SLC20A2: variants seen among roughly 807,000 people sequenced by gnomAD.
SLC20A2 encodes the protein sodium-dependent phosphate transporter 2.
A neutral mutation model predicts 61.0 loss-of-function variants in SLC20A2; 30 were observed. The ratio of observed to expected loss-of-function variants is 0.49; its 90% confidence interval spans 0.37 to 0.67. The LOEUF (loss-of-function observed/expected upper bound fraction) is 0.67, where lower values mean the gene tolerates loss of function less well. SLC20A2 is among the 30% of genes least tolerant of loss of function. The probability of loss-of-function intolerance (pLI) is 0.00; values close to 1 mark genes in which losing one functional copy is unlikely to be tolerated. For synonymous variants in SLC20A2, 351 were observed against 353.3 expected, an observed-to-expected ratio of 0.99 and a Z score of 0.07; for missense variants, 626 against 866.4, an observed-to-expected ratio of 0.72 and a Z score of 3.48.
At position 42,417,936 on chromosome 8, in the gene SLC20A2, C is replaced by T. The variant is rs770679982; in HGVS notation, c.1826G>A (p.Arg609His). 1.5e-5 allele frequency: 25 copies of T among 1,613,048 alleles called. No individual in the cohort carries two copies. Among genetic ancestry groups the T allele is most frequent in the South Asian group, 3.3e-5 (3 of 91,016 alleles). The change falls in exon 11 of 11, where the codon CGC becomes CAC. Residue 609 changes from arginine (R) to histidine (H), a missense_variant. Physicochemically the swap from Arg to His is conservative, Grantham distance 29. Coordinates refer to ENST00000520262, the MANE Select transcript of SLC20A2 (RefSeq NM_001257180.2). The part of the protein sequence containing the change: ...VGSVVAVGWI[R>H]SRKAVDWRLF... Reference sequence around the variant, plus strand: ...GCGCCAGTCCACAGCCTTGCGGGAGCGGATCCAGCCCACGGCCACCACCGA... The same window carrying T: ...GCGCCAGTCCACAGCCTTGCGGGAGTGGATCCAGCCCACGGCCACCACCGA...
At position 42,451,216 on chromosome 8, in the gene SLC20A2, G is replaced by T. The variant is rs555236420; in HGVS notation, c.614-6454C>A. 7.2e-4 allele frequency among the ~76,000 whole-genome samples: 108 copies of T among 150,834 alleles called. 2 individuals are homozygous for T. The South Asian group carries it at 0.023, about 32-fold the overall frequency. On this transcript the variant is annotated intron_variant, in intron 5 of 10. Coordinates refer to ENST00000520262, the MANE Select transcript of SLC20A2 (RefSeq NM_001257180.2). The stretch of plus-strand genomic sequence containing the variant: ...GAAGGAAGAGGAGAAACCAGAGGAG[G>T]GGGATGAGGAGGAGAAAGGGGGCAA...
Position 42,430,254 on chromosome 8 carries a change from G to A in SLC20A2, c.1524-5C>T, listed in dbSNP as rs1318357609. On this transcript the variant is annotated splice_region_variant and splice_polypyrimidine_tract_variant and intron_variant, in intron 8 of 10. Transcript: ENST00000520262. ...ACCAGGGGACCGATGGCATTACTGG[G>A]AAAAATAAAAAGAGAAAAGATTAAC... 1 of 1,603,680 alleles carries A rather than the reference G, an allele frequency of 6.2e-7. No individual in the cohort carries two copies. The highest frequency in any genetic ancestry group is 8.5e-7 in the Non-Finnish European group (1 of 1,176,332).
chr8:42,444,699 A>C lies in SLC20A2; in HGVS notation c.677T>G (p.Phe226Cys), dbSNP rs1255471232. Reference protein sequence around the residue: ...ALISFGVALLFAFFVWLFVCP... With the variant: ...ALISFGVALLCAFFVWLFVCP... The stretch of plus-strand genomic sequence containing the variant: ...CACGAAGAGCCACACAAAAAAAGCG[A>C]ACAGGAGGGCGACACCAAAGGAAAT... The change falls in exon 6 of 11, where the codon TTC (phenylalanine) becomes TGC (cysteine). Residue 226 changes from phenylalanine (F) to cysteine (C), a missense_variant. Around this residue, in one of 3 missense-constraint regions of SLC20A2, gnomAD observed 361 missense variants for 422.3 expected, o/e 0.85. Transcript: ENST00000520262. The C allele has an allele frequency of 6.2e-7, 1 of 1,613,928 alleles. No individual in the cohort carries two copies. Among genetic ancestry groups the C allele is most frequent in the African/African-American group, 1.3e-5 (1 of 74,926 alleles).
chr8:42,503,631 T>G (rs1810456021), upstream of SLC20A2, among the ~76,000 whole-genome samples: 1 of 152,224 alleles, frequency 6.6e-6, no homozygotes, highest in Non-Finnish European at 1.5e-5. Flanking sequence ...TGAGATATCT[T>G]CATTCTTTTG....
intron 10 of SLC20A2, among the ~76,000 whole-genome samples, chr8:42,426,698 CAAAACAA>C (rs1212048557): frequency 1.1e-5 from 1 of 88,328 alleles, no homozygotes; most frequent in Non-Finnish European, 3.0e-5. Context: ...ATCTCAAAAA[CAAAACAA>C]AACAAAACAA....
intron 1 of SLC20A2, among the ~76,000 whole-genome samples, chr8:42,523,244 C>T (rs1053913303): frequency 7.2e-5 from 11 of 152,104 alleles, no homozygotes; most frequent in African/African-American, 1.9e-4. Flanking sequence ...GCAGGAGAAT[C>T]GCTTGAACCT....
At position 42,439,670 on chromosome 8, in the gene SLC20A2, C is replaced by T. The variant is rs1236731585; in HGVS notation, c.731-17G>A. ...GTAATTTGCCTAAAGAAAACAAAGT[C>T]ATACTGAACATTCTGGAAGAGAGTT... is the stretch of plus-strand genomic sequence containing the variant. On this transcript the variant is annotated splice_polypyrimidine_tract_variant and intron_variant, in intron 6 of 10. Transcript: ENST00000520262. 2 of 1,535,306 alleles carry T rather than the reference C, an allele frequency of 1.3e-6. No individual in the cohort carries two copies. The highest frequency in any genetic ancestry group is 1.8e-6 in the Non-Finnish European group (2 of 1,108,440).
chr8:42,467,179 T>C (rs895438504), intron 2 of SLC20A2, among the ~76,000 whole-genome samples: 32 of 152,184 alleles, frequency 2.1e-4, no homozygotes, highest in African/African-American at 7.7e-4. Flanking sequence ...TAACCCAAAT[T>C]TGGGCATCTG....
intron 5 of SLC20A2, among the ~76,000 whole-genome samples, chr8:42,455,257 T>TATATATATATAGAGAGAG (rs1357416749): frequency 7.4e-5 from 6 of 81,620 alleles, no homozygotes; most frequent in African/African-American, 2.6e-4. Context: ...TATATATATA[T>TATATATATATAGAGAGAG]AGAGAGAGAG....
At chr8:42,459,235 C>CAAAAAAAAAAAAAAAAAAAAAAA (rs756966778) in intron 5 of SLC20A2, among the ~76,000 whole-genome samples, 6 of 36,084 alleles carry the variant, frequency 1.7e-4, no homozygotes, top group Non-Finnish European at 2.2e-4. Context: ...GACTCTATCT[C>CAAAAAAAAAAAAAAAAAAAAAAA]AAAAAAAAAA....
chr8:42,442,671 T>G (rs1804872883), intron 6 of SLC20A2, among the ~76,000 whole-genome samples: 1 of 152,242 alleles, frequency 6.6e-6, no homozygotes, highest in Admixed American at 6.5e-5. Flanking sequence ...CCAGCTCATC[T>G]AGTTTCTTTG....
chr8:42,482,627 A>T (rs934595999), intron 1 of SLC20A2, among the ~76,000 whole-genome samples: 1 of 152,086 alleles, frequency 6.6e-6, no homozygotes, highest in Non-Finnish European at 1.5e-5. Flanking sequence ...AGGCTGAGGT[A>T]GGAAGATCAC....
chr8:42,496,636 G>A (rs1020504923), intron 1 of SLC20A2, among the ~76,000 whole-genome samples: 1 of 152,206 alleles, frequency 6.6e-6, no homozygotes, highest in African/African-American at 2.4e-5. Context: ...GTGCCCCTGG[G>A]CTATTTGTTG....
intron 5 of SLC20A2, among the ~76,000 whole-genome samples, chr8:42,452,183 T>TAGGAGGAGGAGGAAGAGATGG (rs1390258992): frequency 1.8e-5 from 1 of 56,984 alleles, no homozygotes; most frequent in Non-Finnish European, 3.3e-5. Context: ...GAGGAAGAGA[T>TAGGAGGAGGAGGAAGAGATGG]AGGAGGAGGA....
intron 6 of SLC20A2, among the ~76,000 whole-genome samples, chr8:42,441,313 CCTGA>C (rs1349049584): frequency 2.0e-5 from 3 of 151,734 alleles, no homozygotes; most frequent in African/African-American, 4.8e-5. Flanking sequence ...CACCACCATA[CCTGA>C]CTAATTTTGT....
At position 42,429,961 on chromosome 8, in the gene SLC20A2, G is replaced by A. The variant is rs1000507683; in HGVS notation, c.1709+103C>T. The A allele has an allele frequency of 8.3e-6, 8 of 969,362 alleles. No homozygotes were observed. The Admixed American group carries it at 1.6e-4, about 19-fold the overall frequency. 60.0% of individuals were successfully genotyped at this position (969,362 alleles called of 1,614,324 possible). Reference sequence around the variant, plus strand: ...TGTCTCCTCCTCCCTGTGACCCGCTGCCAACTGCCAGTGCTGAGCAGGCCG... The same window carrying A: ...TGTCTCCTCCTCCCTGTGACCCGCTACCAACTGCCAGTGCTGAGCAGGCCG... On this transcript the variant is annotated intron_variant, in intron 9 of 10. Coordinates refer to ENST00000520262, the MANE Select transcript of SLC20A2 (RefSeq NM_001257180.2).
At chr8:42,451,399 AG>A (rs1805632184) in intron 5 of SLC20A2, among the ~76,000 whole-genome samples, 1 of 141,010 alleles carries the variant, frequency 7.1e-6, no homozygotes, top group African/African-American at 2.7e-5. Context: ...AGGAGGAGGA[AG>A]AGATAGAGGA....
intron 1 of SLC20A2, among the ~76,000 whole-genome samples, chr8:42,532,325 T>C (rs927467507): frequency 6.6e-6 from 1 of 152,310 alleles, no homozygotes. Context: ...TGAGTCCTTT[T>C]ATAGCACTTA....
chr8:42,436,812 C>T lies in SLC20A2; in HGVS notation c.1523+177G>A, dbSNP rs139954543. The stretch of plus-strand genomic sequence containing the variant: ...TATCTACCTTACTTTCCTGTTAACA[C>T]TGCTCGCTGTCCCGCACGCAATGCT... On this transcript the variant is annotated intron_variant, in intron 8 of 10. Coordinates refer to ENST00000520262, the MANE Select transcript of SLC20A2 (RefSeq NM_001257180.2). Among the ~76,000 whole-genome samples the T allele has an allele frequency of 5.3e-3, 806 of 152,358 alleles. 5 individuals are homozygous for T. The highest frequency in any genetic ancestry group is 0.014 in the Middle Eastern group (4 of 294).
Sources: allele counts gnomAD v4.1 joint callset (sites outside exome capture counted in the v4.1 genomes callset), GRCh38; gene constraint gnomAD v4.1.1; regional missense constraint gnomAD v4.1.1; transcripts MANE v1.5; gene names NCBI Gene and HGNC (gene_info 2026-07-23, HGNC 2026-07-21).